RAD50: variants seen among roughly 807,000 people sequenced by gnomAD.
The protein encoded by RAD50 is DNA repair protein RAD50.
A neutral mutation model predicts 168.8 loss-of-function variants in RAD50; 132 were observed. The ratio of observed to expected loss-of-function variants is 0.78; its 90% CI spans 0.68 to 0.90. The LOEUF is 0.90. RAD50 is among the 40% of genes least tolerant of loss of function. The pLI, the probability that RAD50 is intolerant of heterozygous loss-of-function variation, is 0.00. For missense variants in RAD50, 1,347 were observed against 1,534.4 expected (o/e 0.88, Z 2.04); for synonymous variants, 525 against 497.4 (o/e 1.06, Z -0.74).
Position 132,645,991 on chromosome 5 carries a change from G to A in RAD50, c.*3627G>A, listed in dbSNP as rs1751840486. On this transcript the variant is annotated 3_prime_UTR_variant, in exon 25 of 25. Transcript: ENST00000378823. Reference sequence around the variant, plus strand: ...TAGTCTCAGCTACTTGGCTGAGATAGGATCCCTGGAGTCTGAGGGTTCAAG... The same window carrying A: ...TAGTCTCAGCTACTTGGCTGAGATAAGATCCCTGGAGTCTGAGGGTTCAAG... 1 of 151,296 alleles carries A rather than the reference G, an allele frequency of 6.6e-6. No homozygotes were observed. The highest frequency in any genetic ancestry group is 6.6e-5 in the Admixed American group (1 of 15,156). The allele number at this position is 151,296 out of a possible 1,614,324, so 9.4% of individuals were successfully genotyped here.
At position 132,609,387 on chromosome 5, in the gene RAD50, T is replaced by C. The variant is rs773757483; in HGVS notation, c.3027T>C (p.Asp1009=). The C allele has an allele frequency of 4.3e-6, 7 of 1,613,712 alleles. No homozygotes were observed. The highest frequency in any genetic ancestry group is 1.3e-5 in the African/African-American group (1 of 75,040). The stretch of plus-strand genomic sequence containing the variant: ...TGAGACTCATGAGACAAGATATTGA[T>C]ACACAGAAGGTAGGTCTGTTTTGCT... ...EDMRLMRQDI[D]TQKIQERWLQ... is the part of the protein sequence containing the mutation. Residue 1009 remains aspartate, a synonymous_variant, in exon 19 of 25, where the codon GAT becomes GAC. Coordinates refer to ENST00000378823, the MANE Select transcript of RAD50 (RefSeq NM_005732.4).
rs138548382 is a variant in RAD50, at chr5:132,643,901, GAA to G, written c.*1542_*1543del. 1 of 231,424 alleles carries G rather than the reference GAA, an allele frequency of 4.3e-6. No individual in the cohort carries two copies. The highest frequency in any genetic ancestry group is 8.5e-6 in the Non-Finnish European group (1 of 117,070). 14.3% of individuals were successfully genotyped at this position (231,424 alleles called of 1,614,324 possible). A position where few individuals can be genotyped will look rare whatever the true frequency, so the allele number is the denominator to read the frequency against. ...TAAAACCGAAGGTGAAAAAAATTCT[GAA>G]AAAATTCTAGCAGCTATATTTGATA... On this transcript the variant is annotated 3_prime_UTR_variant, in exon 25 of 25. Transcript: ENST00000378823.
chr5:132,640,538 G>T (rs1751694985), intron 23 of RAD50, 134 bp from the exon 24 acceptor site: 1 of 1,199,770 alleles, frequency 8.3e-7, no homozygotes, highest in African/African-American at 1.5e-5. Flanking sequence ...TCTCCCAGAG[G>T]GCAGTGCTTT....
chr5:132,600,184 A>C (rs893540376), intron 13 of RAD50: 2 of 152,204 alleles, frequency 1.3e-5, no homozygotes, highest in Non-Finnish European at 2.9e-5. Flanking sequence ...GCCCTCATGG[A>C]GTTTATATCC....
chr5:132,616,748 G>T (rs1211116643), intron 20 of RAD50, among the ~76,000 whole-genome samples: 1 of 152,098 alleles, frequency 6.6e-6, no homozygotes, highest in Non-Finnish European at 1.5e-5. Flanking sequence ...TGGTATAAAA[G>T]GTTGTACTAG....
Position 132,576,186 on chromosome 5 carries a change from C to A in RAD50, c.365+258C>A, listed in dbSNP as rs559789410. On this transcript the variant is annotated intron_variant, in intron 3 of 24. Transcript: ENST00000378823. ...TTGATTTTTTGTGGATACTATTTGT[C>A]AGTTAAATAGAATGATCCCATGAAA... 4.6e-5 allele frequency among the ~76,000 whole-genome samples: 7 copies of A among 152,226 alleles called. No individual in the cohort carries two copies. The South Asian group carries it at 1.2e-3, about 27-fold the overall frequency.
intron 1 of RAD50, among the ~76,000 whole-genome samples, chr5:132,558,539 CA>C (rs1374145116): frequency 1.3e-5 from 2 of 151,556 alleles, no homozygotes; most frequent in Non-Finnish European, 1.5e-5. Flanking sequence ...GGCGAAACCC[CA>C]TCTCTAATAA....
intron 21 of RAD50, among the ~76,000 whole-genome samples, chr5:132,627,915 T>C (rs1212530812): frequency 2.0e-5 from 3 of 152,128 alleles, no homozygotes; most frequent in Non-Finnish European, 4.4e-5. Flanking sequence ...AGAGAAGTGA[T>C]AGACTTGGGA....
At chr5:132,579,806 A>G in intron 4 of RAD50, 56 bp from the exon 5 acceptor site, 1 of 1,391,764 alleles carries the variant, frequency 7.2e-7, no homozygotes, top group Non-Finnish European at 1.0e-6. Flanking sequence ...CACTGTATGA[A>G]TATATACCAT....
chr5:132,578,344 A>G (rs1750436270), intron 3 of RAD50, among the ~76,000 whole-genome samples: 2 of 152,098 alleles, frequency 1.3e-5, no homozygotes, highest in Non-Finnish European at 2.9e-5. Context: ...ACTGAGACCT[A>G]TGAATTTAAT....
rs369559526 is a variant in RAD50, at chr5:132,559,269, T to C, written c.130-15T>C. The C allele has an allele frequency of 3.6e-5, 57 of 1,588,046 alleles. No homozygotes were observed. The highest frequency in any genetic ancestry group is 4.4e-5 in the Non-Finnish European group (51 of 1,167,596). On this transcript the variant is annotated splice_polypyrimidine_tract_variant and intron_variant, in intron 1 of 24. Transcript: ENST00000378823. ...TTCTCTTATAACGAAATAATGTAAT[T>C]TTCTATTTCTTTAGACCATCATTGA...
chr5:132,599,494 A>G (rs1425742867), intron 13 of RAD50, among the ~76,000 whole-genome samples: 1 of 152,252 alleles, frequency 6.6e-6, no homozygotes, highest in African/African-American at 2.4e-5. Context: ...AAATAACATT[A>G]TAAAACACTT....
intron 4 of RAD50, 41 bp from the exon 5 acceptor site, chr5:132,579,821 T>A (rs752768481): frequency 6.7e-7 from 1 of 1,499,508 alleles, no homozygotes; most frequent in Non-Finnish European, 9.3e-7. Context: ...TACCATAATT[T>A]ACTTTGCCAG....
chr5:132,581,444 C>A (rs1332977755), intron 5 of RAD50, among the ~76,000 whole-genome samples: 1 of 152,112 alleles, frequency 6.6e-6, no homozygotes, highest in African/African-American at 2.4e-5. Flanking sequence ...TTTGACTTTT[C>A]TTTTAAAAGT....
At chr5:132,587,797 C>A in intron 6 of RAD50, 107 bp downstream of exon 6, 1 of 1,548,836 alleles carries the variant, frequency 6.5e-7, no homozygotes, top group East Asian at 2.3e-5. Context: ...AAATACAGAT[C>A]TTGTTACTTC....
chr5:132,634,902 G>C (rs1561657800), intron 21 of RAD50, among the ~76,000 whole-genome samples: 1 of 152,076 alleles, frequency 6.6e-6, no homozygotes, highest in South Asian at 2.1e-4. Flanking sequence ...ACTTGGTCAT[G>C]ATATATTCTT....
intron 2 of RAD50, among the ~76,000 whole-genome samples, chr5:132,562,221 G>C (rs566043953): frequency 6.6e-6 from 1 of 152,270 alleles, no homozygotes; most frequent in Non-Finnish European, 1.5e-5. Context: ...ATTTAAATAG[G>C]AATCTGTCTA....
At chr5:132,618,816 A>G (rs1561651141) in intron 21 of RAD50, among the ~76,000 whole-genome samples, 1 of 152,158 alleles carries the variant, frequency 6.6e-6, no homozygotes, top group East Asian at 1.9e-4. Context: ...AGTATTCATG[A>G]TACTACCTCC....
Position 132,587,997 on chromosome 5 carries a change from G to C in RAD50, c.959G>C (p.Arg320Thr). The C allele has an allele frequency of 1.2e-6, 2 of 1,611,830 alleles. No homozygotes were observed. Among genetic ancestry groups the C allele is most frequent in the Non-Finnish European group, 1.7e-6 (2 of 1,178,166 alleles). The change falls in exon 7 of 25, where the codon AGG becomes ACG. Residue 320 changes from arginine (R) to threonine (T), a missense_variant. Physicochemically the swap from Arg to Thr is moderately conservative, Grantham distance 71. This residue lies in a region of RAD50 where 703 missense variants were observed against 767.7 expected (regional missense o/e 0.92). Transcript: ENST00000378823. Reference sequence around the variant, plus strand: ...CAGAGAACAGTAAGGGAGAAAGAAAGGAAATTGGTAGACTGTCATCGTGAA... The same window carrying C: ...CAGAGAACAGTAAGGGAGAAAGAAACGAAATTGGTAGACTGTCATCGTGAA... ...NHQRTVREKE[R>T]KLVDCHRELE...
Sources: gnomAD v4.1 joint callset for allele counts (sites outside exome capture counted in the v4.1 genomes callset) on GRCh38, gnomAD v4.1.1 for gene constraint, gnomAD v4.1.1 regional missense constraint, MANE v1.5 for transcripts, NCBI Gene and HGNC (gene_info 2026-07-23, HGNC 2026-07-21) for gene names.